SEC31A: variants seen among roughly 807,000 people sequenced by gnomAD.
SEC31A encodes SEC31 homolog A, COPII component, also known as protein transport protein Sec31A.
SEC31A carries 70 observed loss-of-function variants against 151.0 expected under a neutral mutation model. That is an observed-to-expected ratio of 0.46 (90% CI 0.38 to 0.57). The LOEUF (loss-of-function observed/expected upper bound fraction) is 0.57. SEC31A is among the 20% of genes least tolerant of loss of function. SEC31A has a pLI of 0.00. For missense variants in SEC31A, 1,330 were observed against 1,471.2 expected, an observed-to-expected ratio of 0.90 and a Z score of 1.57; for synonymous variants, 475 against 505.9, an observed-to-expected ratio of 0.94 and a Z score of 0.82.
chr4:82,888,746 A>T (rs1032186997), intron 1 of SEC31A, among the ~76,000 whole-genome samples: 13 of 151,900 alleles, frequency 8.6e-5, no homozygotes, highest in African/African-American at 3.1e-4. Flanking sequence ...CTAGACTAGA[A>T]CTCTTTATTT....
At position 82,867,300 on chromosome 4, in the gene SEC31A, G is replaced by C. The variant is rs1735623601; in HGVS notation, c.899C>G (p.Pro300Arg). 4.3e-6 allele frequency: 7 copies of C among 1,613,792 alleles called. No homozygotes were observed. The highest frequency in any genetic ancestry group is 5.9e-6 in the Non-Finnish European group (7 of 1,179,858). ...PNTGEVLYEL[P>R]TNTQWCFDIQ... ...ATCGAAGCACCACTGTGTGTTGGTG[G>C]GAAGTTCATATAACACCTAGGCCAA... Residue 300 changes from proline to arginine, a missense_variant, in exon 9 of 27, where the codon CCC (proline) becomes CGC (arginine). By Grantham distance (103) the Pro-to-Arg change is moderately radical. Coordinates refer to ENST00000395310, the MANE Select transcript of SEC31A (RefSeq NM_001077207.4).
chr4:82,851,406 T>C, intron 19 of SEC31A, 25 bp downstream of exon 19: 1 of 1,595,536 alleles, frequency 6.3e-7, no homozygotes. Context: ...ACTCAAACAT[T>C]ACAAAAATGG....
intron 22 of SEC31A, among the ~76,000 whole-genome samples, chr4:82,829,659 C>T (rs1409051554): frequency 4.6e-5 from 7 of 151,812 alleles, no homozygotes; most frequent in Non-Finnish European, 1.0e-4. Flanking sequence ...AATATCTGTG[C>T]TAAGATTTTT....
At chr4:82,883,616 C>A (rs927743959) in intron 1 of SEC31A, among the ~76,000 whole-genome samples, 3 of 152,010 alleles carry the variant, frequency 2.0e-5, no homozygotes, top group Non-Finnish European at 4.4e-5. Context: ...ATTGCTTGAG[C>A]CCAGGAGTTC....
intron 3 of SEC31A, 35 bp from the exon 4 acceptor site, chr4:82,878,963 A>G (rs754896302): frequency 3.3e-6 from 5 of 1,509,062 alleles, no homozygotes; most frequent in African/African-American, 1.4e-5. Flanking sequence ...ATTCATTCTT[A>G]AAGTCAAATA....
intron 25 of SEC31A, among the ~76,000 whole-genome samples, chr4:82,823,161 G>A (rs1479971284): frequency 1.3e-5 from 2 of 152,194 alleles, no homozygotes; most frequent in Non-Finnish European, 2.9e-5. Context: ...GAGGAATATA[G>A]TATGATGACC....
chr4:82,847,941 G>A (rs1424665354), intron 20 of SEC31A, among the ~76,000 whole-genome samples: 1 of 151,918 alleles, frequency 6.6e-6, no homozygotes, highest in East Asian at 1.9e-4. Context: ...ACAGACAAAA[G>A]GGCATTAATT....
At chr4:82,882,001 C>G in intron 1 of SEC31A, 61 bp from the exon 2 acceptor site, 1 of 1,259,338 alleles carries the variant, frequency 7.9e-7, no homozygotes, top group Non-Finnish European at 1.2e-6. Flanking sequence ...ACACAGAACA[C>G]AGATATTTTA....
intron 14 of SEC31A, 33 bp downstream of exon 14, chr4:82,861,598 T>G (rs1706469264): frequency 5.7e-6 from 8 of 1,411,250 alleles, no homozygotes; most frequent in Non-Finnish European, 6.9e-6. Context: ...TATCACAAAT[T>G]TGTCCAATAT....
intron 22 of SEC31A, among the ~76,000 whole-genome samples, chr4:82,834,931 T>C (rs1332685435): frequency 6.6e-6 from 1 of 152,144 alleles, no homozygotes; most frequent in Non-Finnish European, 1.5e-5. Flanking sequence ...CTGCAACCTC[T>C]GCCTCCTGGG....
chr4:82,894,986 A>G (rs941887370), upstream of SEC31A: 3 of 152,242 alleles, frequency 2.0e-5, no homozygotes, highest in African/African-American at 7.2e-5. Flanking sequence ...TTTGAGAAAC[A>G]ACTACAATAA....
chr4:82,860,552 T>A (rs1465262227), intron 14 of SEC31A, among the ~76,000 whole-genome samples: 2 of 152,142 alleles, frequency 1.3e-5, no homozygotes, highest in African/African-American at 4.8e-5. Context: ...CATAGCTCAC[T>A]CCAACCACGA....
intron 25 of SEC31A, 62 bp downstream of exon 25, chr4:82,824,493 C>G: frequency 6.3e-7 from 1 of 1,574,820 alleles, no homozygotes; most frequent in Non-Finnish European, 8.6e-7. Flanking sequence ...GCATAAGCCA[C>G]CACACCTGGC....
intron 19 of SEC31A, among the ~76,000 whole-genome samples, chr4:82,850,629 A>G (rs1430967625): frequency 6.6e-6 from 1 of 152,206 alleles, no homozygotes; most frequent in Non-Finnish European, 1.5e-5. Flanking sequence ...CAGACACAAA[A>G]TGCAGATATA....
At chr4:82,862,983 G>A (rs1335975933) in intron 12 of SEC31A, among the ~76,000 whole-genome samples, 1 of 152,172 alleles carries the variant, frequency 6.6e-6, no homozygotes, top group Non-Finnish European at 1.5e-5. Flanking sequence ...GACATCAAAA[G>A]AGCACTAATC....
At chr4:82,822,569 T>C (rs1319374427) in intron 25 of SEC31A, among the ~76,000 whole-genome samples, 1 of 152,202 alleles carries the variant, frequency 6.6e-6, no homozygotes, top group Non-Finnish European at 1.5e-5. Flanking sequence ...GCAAAATTAC[T>C]TTGTGCTGTT....
intron 22 of SEC31A, among the ~76,000 whole-genome samples, chr4:82,835,231 C>CA (rs1726925218): frequency 1.3e-5 from 2 of 152,086 alleles, no homozygotes; most frequent in Admixed American, 1.3e-4. Context: ...AAACAAGCTA[C>CA]ATGAAGAACA....
At chr4:82,848,390 C>A (rs996545607) in intron 20 of SEC31A, among the ~76,000 whole-genome samples, 1 of 150,676 alleles carries the variant, frequency 6.6e-6, no homozygotes, top group East Asian at 1.9e-4. Context: ...TAAACCTATA[C>A]TAATGATTAA....
chr4:82,891,950 T>A (rs969899731), upstream of SEC31A, among the ~76,000 whole-genome samples: 12 of 152,226 alleles, frequency 7.9e-5, no homozygotes, highest in African/African-American at 2.9e-4. Flanking sequence ...ATCTCCTAAC[T>A]TCTAGACAAG....
Sources: allele counts gnomAD v4.1 joint callset (sites outside exome capture counted in the v4.1 genomes callset), GRCh38; gene constraint gnomAD v4.1.1; transcripts MANE v1.5; gene names NCBI Gene and HGNC (gene_info 2026-07-23, HGNC 2026-07-21).